Variants in NEBL observed in about 807,000 individuals in gnomAD.
The protein encoded by NEBL is nebulette, also known as LIM and SH3 protein 2.
A neutral mutation model predicts 140.2 loss-of-function variants in NEBL; 122 were observed. That is an observed-to-expected ratio of 0.87 (90% CI 0.75 to 1.01). NEBL has a LOEUF of 1.01. NEBL is among the 50% of genes least tolerant of loss of function. The pLI is 0.00. For synonymous variants in NEBL, 436 were observed against 398.9 expected (o/e 1.09, Z -1.11); for missense variants, 1,365 against 1,231.3 (o/e 1.11, Z -1.62).
In NEBL at chr10:20,962,254, C is replaced by A. The variant is rs141664885; in HGVS notation, c.250-475G>T. On this transcript the variant is annotated intron_variant, in intron 3 of 6. Transcript: ENST00000417816. ...GTCAGTGAAAAAGCCTCATTTTGAG[C>A]CTAAACTGCCCTATGGAGGAGGGAG... is the stretch of plus-strand genomic sequence containing the variant. 1.3e-3 allele frequency among the ~76,000 whole-genome samples: 198 copies of A among 152,342 alleles called. 4 individuals carry two copies. In the East Asian group the frequency reaches 0.032, roughly 25 times the overall value.
chr10:20,894,181 C>T lies in NEBL; in HGVS notation c.153+2777G>A, dbSNP rs188966283. ...AAACCATCCCTCTCATCTACAGAAA[C>T]GAAGCAGGGCCAGCCCGGTGGCTCA... On this transcript the variant is annotated intron_variant, in intron 2 of 27. Coordinates refer to ENST00000377122, the MANE Select transcript of NEBL (RefSeq NM_006393.3). 1.2e-4 allele frequency among the ~76,000 whole-genome samples: 19 copies of T among 152,266 alleles called. No homozygotes were observed. In the South Asian group the frequency reaches 1.7e-3, roughly 13 times the overall value.
At chr10:20,927,770 G>A (rs1313480196) in intron 4 of NEBL, among the ~76,000 whole-genome samples, 1 of 152,146 alleles carries the variant, frequency 6.6e-6, no homozygotes, top group Non-Finnish European at 1.5e-5. Flanking sequence ...TTGCAGCCCT[G>A]AGACCTTAGG....
At chr10:21,149,694 C>G (rs527642765) in intron 2 of NEBL, among the ~76,000 whole-genome samples, 3 of 152,174 alleles carry the variant, frequency 2.0e-5, no homozygotes, top group African/African-American at 2.4e-5. Context: ...TTCTGGGAAC[C>G]CTGATTAATA....
intron 26 of NEBL, among the ~76,000 whole-genome samples, chr10:20,791,835 G>T (rs559778017): frequency 6.6e-6 from 1 of 152,196 alleles, no homozygotes; most frequent in Non-Finnish European, 1.5e-5. Context: ...TCACTGGGGG[G>T]GATGTACGCA....
chr10:21,141,083 A>G (rs1006990813), intron 2 of NEBL, among the ~76,000 whole-genome samples: 4 of 149,084 alleles, frequency 2.7e-5, no homozygotes, highest in Non-Finnish European at 3.0e-5. Flanking sequence ...AACCTGCTCT[A>G]TGCTCTTCAA....
chr10:21,048,429 C>G (rs138006805), intron 2 of NEBL, among the ~76,000 whole-genome samples: 1,513 of 127,588 alleles, frequency 0.012, 19 homozygotes, highest in Non-Finnish European at 0.02. Context: ...CCATTCTACT[C>G]TTAGACATAA....
chr10:21,116,745 A>C (rs11012531), intron 2 of NEBL, among the ~76,000 whole-genome samples: 1 of 151,982 alleles, frequency 6.6e-6, no homozygotes, highest in African/African-American at 2.4e-5. Context: ...TCATAGCTCA[A>C]TGCAACCTCA....
chr10:20,996,139 C>G (rs1044547081), intron 3 of NEBL, among the ~76,000 whole-genome samples: 1 of 152,172 alleles, frequency 6.6e-6, no homozygotes, highest in Non-Finnish European at 1.5e-5. Flanking sequence ...AGGCTGGAGA[C>G]TTCTAGATGC....
upstream of NEBL, among the ~76,000 whole-genome samples, chr10:21,179,645 G>T (rs767598584): frequency 5.3e-5 from 8 of 152,012 alleles, no homozygotes; most frequent in Non-Finnish European, 8.8e-5. Flanking sequence ...CCATTACTGT[G>T]CAGTGAGGCA....
rs763033314 is a variant in NEBL at position 20,858,381 on chromosome 10, G to C, written c.799-37C>G. On this transcript the variant is annotated intron_variant, in intron 8 of 27. Coordinates refer to ENST00000377122, the MANE Select transcript of NEBL (RefSeq NM_006393.3). The stretch of plus-strand genomic sequence containing the variant: ...ACATGGAACAAAATACCATCGAGGA[G>C]AAGAAAATATTATGCTTTTGCATTA... 3 of 1,463,354 alleles carry C rather than the reference G, an allele frequency of 2.1e-6. 1 individual carries two copies. In the South Asian group the frequency reaches 3.4e-5, roughly 17 times the overall value. The allele number at this position is 1,463,354 out of a possible 1,614,324, so 90.6% of individuals were successfully genotyped here.
intron 2 of NEBL, among the ~76,000 whole-genome samples, chr10:20,892,663 C>G (rs1023204330): frequency 4.6e-5 from 7 of 152,186 alleles, no homozygotes; most frequent in Non-Finnish European, 1.5e-5. Flanking sequence ...TTTGCCCTCA[C>G]CCACAAATCC....
chr10:20,809,666 G>C, intron 25 of NEBL, 140 bp downstream of exon 25: 1 of 683,726 alleles, frequency 1.5e-6, no homozygotes, highest in Non-Finnish European at 2.6e-6. Flanking sequence ...GTATTTAAAA[G>C]TAGCATAGCA....
At chr10:21,217,867 T>A (rs1408556582) in intron 3 of NEBL, 1 of 152,212 alleles carries the variant, frequency 6.6e-6, no homozygotes, top group Non-Finnish European at 1.5e-5. Flanking sequence ...AACCAACAAG[T>A]CAGCTAAGAT....
intron 3 of NEBL, among the ~76,000 whole-genome samples, chr10:21,202,812 G>A (rs868111084): frequency 4.6e-5 from 7 of 152,066 alleles, no homozygotes; most frequent in African/African-American, 1.7e-4. Context: ...CTCCAAAAAT[G>A]GAGACTAATT....
intron 1 of NEBL, among the ~76,000 whole-genome samples, chr10:21,277,277 C>T (rs1564554468): frequency 6.7e-6 from 1 of 148,384 alleles, no homozygotes; most frequent in East Asian, 2.0e-4. Context: ...GGCACAATCT[C>T]AGCTCACTGC....
intron 2 of NEBL, among the ~76,000 whole-genome samples, chr10:21,133,668 GTTA>G (rs1480852284): frequency 6.6e-6 from 1 of 152,166 alleles, no homozygotes; most frequent in Non-Finnish European, 1.5e-5. Flanking sequence ...CATATTAGCT[GTTA>G]TTATCAGGAA....
At chr10:21,080,401 T>C (rs1393979988) in intron 2 of NEBL, among the ~76,000 whole-genome samples, 1 of 152,218 alleles carries the variant, frequency 6.6e-6, no homozygotes, top group Non-Finnish European at 1.5e-5. Context: ...AATTTCATTT[T>C]TGGGAACAGC....
intron 2 of NEBL, among the ~76,000 whole-genome samples, chr10:21,038,036 G>C (rs1369433808): frequency 1.3e-5 from 2 of 152,248 alleles, no homozygotes; most frequent in Admixed American, 6.5e-5. Flanking sequence ...TCTAGAGAGA[G>C]AGAGAGAAAA....
chr10:21,151,402 A>G (rs1314107719), intron 2 of NEBL, among the ~76,000 whole-genome samples: 2 of 152,324 alleles, frequency 1.3e-5, no homozygotes, highest in Non-Finnish European at 2.9e-5. Flanking sequence ...GTTTACACCC[A>G]ATGGGATATC....
Sources: allele counts gnomAD v4.1 joint callset (sites outside exome capture counted in the v4.1 genomes callset), GRCh38; gene constraint gnomAD v4.1.1; transcripts MANE v1.5; gene names NCBI Gene and HGNC (gene_info 2026-07-23, HGNC 2026-07-21).